The following GIGYF1 variants were observed in gnomAD, a reference collection of about 807,000 sequenced individuals.
GIGYF1 encodes GRB10 interacting GYF protein 1.
A neutral mutation model predicts 147.1 loss-of-function variants in GIGYF1; 84 were observed. The observed-to-expected ratio is 0.57, with a 90% CI of 0.48 to 0.68. The LOEUF is 0.68. GIGYF1 is among the 30% of genes least tolerant of loss of function. The pLI is 0.00. For synonymous variants in GIGYF1, 752 were observed against 589.5 expected (o/e 1.28, Z -3.99); for missense variants, 1,485 against 1,393.7 (o/e 1.07, Z -1.04).
At chr7:100,686,558 T>G in intron 10 of GIGYF1, 91 bp downstream of exon 10, 1 of 1,526,218 alleles carries the variant, frequency 6.6e-7, no homozygotes, top group Non-Finnish European at 8.8e-7. Flanking sequence ...AGCCAGCCTC[T>G]GCTCCCTCCC....
At chr7:100,685,935 CG>C (rs779701019) in intron 12 of GIGYF1, 38 bp downstream of exon 12, 61 of 1,557,116 alleles carry the variant, frequency 3.9e-5, no homozygotes, top group Non-Finnish European at 4.4e-6. Context: ...AGTGCCTGCC[CG>C]GCCCAGCCCC....
intron 1 of GIGYF1, among the ~76,000 whole-genome samples, chr7:100,690,846 G>A (rs1003391379): frequency 6.6e-6 from 1 of 151,092 alleles, no homozygotes; most frequent in East Asian, 2.0e-4. Context: ...GGCGCAGCAA[G>A]GGCAGCTCTC....
intron 18 of GIGYF1, 37 bp downstream of exon 18, chr7:100,683,983 C>A (rs375979756): frequency 1.6e-5 from 25 of 1,585,858 alleles, no homozygotes; most frequent in Middle Eastern, 1.7e-4. Context: ...CATCCCCCCC[C>A]CACCCTGTAT....
Position 100,684,094 on chromosome 7 carries a change from T to G in GIGYF1, c.1794A>C (p.Pro598=). ...KAALGDLTPP[P]PPPPQQQQQQ... ...GCTGCTGCTGCTGTGGCGGCGGCGGTGGTGGCGGTGTCAGGTCCCCCAGAG... is the reference window on the plus strand; with the variant it reads ...GCTGCTGCTGCTGTGGCGGCGGCGGGGGTGGCGGTGTCAGGTCCCCCAGAG... Residue 598 remains proline (P), a synonymous_variant, in exon 18 of 27, where the codon CCA becomes CCC. Transcript: ENST00000678049. 6.2e-7 allele frequency: 1 copy of G among 1,602,678 alleles called. No homozygotes were observed. Among genetic ancestry groups the G allele is most frequent in the Non-Finnish European group, 8.5e-7 (1 of 1,178,430 alleles).
Position 100,681,757 on chromosome 7 carries a change from C to A in GIGYF1, c.3070G>T (p.Gly1024Ter). The A allele has an allele frequency of 6.3e-7, 1 of 1,584,530 alleles. No individual in the cohort carries two copies. Among genetic ancestry groups the A allele is most frequent in the African/African-American group, 1.3e-5 (1 of 74,530 alleles). Residue 1024 changes from glycine (G) to a stop codon, truncating the protein, a stop_gained, in exon 27 of 27, where the codon GGA becomes TGA. Coordinates refer to ENST00000678049, the MANE Select transcript of GIGYF1 (RefSeq NM_001375765.1). LOFTEE classifies it high-confidence loss of function. ...ACGCTCTCGATCTCACCAGAAGATC[C>A]GTGCAGGGAGTACCCTGAAGCCGGG... The part of the protein sequence containing the change: ...DPSILGYSLH[G>*]SSGEIESVDD...
In GIGYF1 at chr7:100,687,860, C is replaced by G; in HGVS notation, c.189G>C (p.Lys63Asn). ...CGTCCTGCAGCACCGCGGCGAACTCCTTGTCCTGCAGCTCTTCCGGGACCT... is the reference window on the plus strand; with the variant it reads ...CGTCCTGCAGCACCGCGGCGAACTCGTTGTCCTGCAGCTCTTCCGGGACCT... Reference protein sequence around the residue: ...ENKVPEELQDKEFAAVLQDEP... With the variant: ...ENKVPEELQDNEFAAVLQDEP... The change falls in exon 6 of 27, where the codon AAG becomes AAC. Residue 63 changes from lysine (K) to asparagine (N), a missense_variant. Transcript: ENST00000678049. The G allele has an allele frequency of 6.2e-7, 1 of 1,613,302 alleles. No homozygotes were observed. Among genetic ancestry groups the G allele is most frequent in the East Asian group, 2.2e-5 (1 of 44,896 alleles).
rs781056779 is a variant in GIGYF1 at position 100,685,991 on chromosome 7, T to C, written c.1037A>G (p.Glu346Gly). ...EEEEPSEGLEEEGPEAGGKEL... is the reference protein window; with the variant it reads ...EEEEPSEGLEGEGPEAGGKEL... ...CGGCTCACCTGCCTCAGGCCCTTCC[T>C]CCTCTAGCCCTTCGGAAGGTTCCTC... Residue 346 changes from glutamate (E) to glycine (G), a missense_variant, in exon 12 of 27, where the codon GAG becomes GGG. Transcript: ENST00000678049. 1 of 1,612,208 alleles carries C rather than the reference T, an allele frequency of 6.2e-7. No individual in the cohort carries two copies. Among genetic ancestry groups the C allele is most frequent in the East Asian group, 2.2e-5 (1 of 44,852 alleles).
At chr7:100,690,105 T>C (rs1280653940) in intron 1 of GIGYF1, among the ~76,000 whole-genome samples, 1 of 152,192 alleles carries the variant, frequency 6.6e-6, no homozygotes, top group Non-Finnish European at 1.5e-5. Flanking sequence ...TTAGAGACAG[T>C]TAAAGTCTCC....
rs751094100 is a variant in GIGYF1 at position 100,682,766 on chromosome 7, G to T, written c.2424C>A (p.Gly808=). The part of the protein sequence containing the change: ...QAPNHRVQLG[G]LGTAPLNQWV... ...ACTGGTTCAGGGGGGCAGTGCCCAG[G>T]CCCCCAAGCTGCTACAGATGGCAGA... Residue 808 remains glycine, a synonymous_variant, in exon 23 of 27, where the codon GGC becomes GGA. Transcript: ENST00000678049. 1.3e-6 allele frequency: 2 copies of T among 1,525,196 alleles called. No individual in the cohort carries two copies. The highest frequency in any genetic ancestry group is 1.3e-5 in the South Asian group (1 of 77,090). The allele number at this position is 1,525,196 out of a possible 1,614,324, so 94.5% of individuals were successfully genotyped here.
rs1804737268 is a variant in GIGYF1 at position 100,681,366 on chromosome 7, A to G, written c.*353T>C. ...TTTCATCTTTTTTTCTTAAAAAAAA[A>G]AAAAAAACCAAAAAACAAAAACCTC... On this transcript the variant is annotated 3_prime_UTR_variant, in exon 27 of 27. Coordinates refer to ENST00000678049, the MANE Select transcript of GIGYF1 (RefSeq NM_001375765.1). The G allele has an allele frequency of 5.5e-6, 1 of 182,882 alleles. No homozygotes were observed. Among genetic ancestry groups the G allele is most frequent in the South Asian group, 2.0e-4 (1 of 5,108 alleles). The allele number at this position is 182,882 out of a possible 1,614,324, so 11.3% of individuals were successfully genotyped here. A position where few individuals can be genotyped will look rare whatever the true frequency, so the allele number is the denominator to read the frequency against.
In GIGYF1 at chr7:100,686,207, A is replaced by G. The variant is rs151284695; in HGVS notation, c.921T>C (p.Asp307=). Residue 307 remains aspartate, a synonymous_variant, in exon 11 of 27, where the codon GAT becomes GAC. Transcript: ENST00000678049. ...TGAGAGGCAAGAAGGCCCCAGAGGCATCAAAGGTGCCCATTTCTTCATCCT... is the reference window on the plus strand; with the variant it reads ...TGAGAGGCAAGAAGGCCCCAGAGGCGTCAAAGGTGCCCATTTCTTCATCCT... The part of the protein sequence containing the change: ...DDEDEEMGTF[D]ASGAFLPLKK... 9.9e-5 allele frequency: 159 copies of G among 1,613,298 alleles called. No individual in the cohort carries two copies. In the African/African-American group the frequency reaches 1.9e-3, roughly 19 times the overall value.
At position 100,684,100 on chromosome 7, in the gene GIGYF1, C is replaced by G; in HGVS notation, c.1788G>C (p.Pro596=). The part of the protein sequence containing the change: ...REKAALGDLT[P]PPPPPPQQQQ... Reference sequence around the variant, plus strand: ...GCTGCTGTGGCGGCGGCGGTGGTGGCGGTGTCAGGTCCCCCAGAGCTGCCT... The same window carrying G: ...GCTGCTGTGGCGGCGGCGGTGGTGGGGGTGTCAGGTCCCCCAGAGCTGCCT... The change falls in exon 18 of 27, where the codon CCG becomes CCC. Residue 596 remains proline (P), a synonymous_variant. Coordinates refer to ENST00000678049, the MANE Select transcript of GIGYF1 (RefSeq NM_001375765.1). The G allele has an allele frequency of 6.2e-7, 1 of 1,607,028 alleles. No homozygotes were observed. Among genetic ancestry groups the G allele is most frequent in the African/African-American group, 1.3e-5 (1 of 74,874 alleles).
At chr7:100,691,933 G>C (rs1805863418) in intron 1 of GIGYF1, among the ~76,000 whole-genome samples, 1 of 152,278 alleles carries the variant, frequency 6.6e-6, no homozygotes. Flanking sequence ...GAACTCAAGA[G>C]AGAAAGAAAA....
Position 100,685,572 on chromosome 7 carries a change from G to A in GIGYF1, c.1055-91C>T. On this transcript the variant is annotated intron_variant, in intron 12 of 26. Transcript: ENST00000678049. ...CCCTTGAGTGTGGCTGGAACCGCGG[G>A]TCACACTCCCTTAGGCCGAGTCCAC... 4 of 1,430,836 alleles carry A rather than the reference G, an allele frequency of 2.8e-6. No individual in the cohort carries two copies. In the South Asian group the frequency reaches 5.0e-5, roughly 18 times the overall value. 88.6% of individuals were successfully genotyped at this position (1,430,836 alleles called of 1,614,324 possible).
intron 20 of GIGYF1, 22 bp downstream of exon 20, chr7:100,683,528 C>T: frequency 6.2e-7 from 1 of 1,613,744 alleles, no homozygotes; most frequent in Admixed American, 1.7e-5. Context: ...CCCAGGGCCT[C>T]AGCCCCAGGA....
chr7:100,686,579 G>T, intron 10 of GIGYF1, 70 bp downstream of exon 10: 1 of 1,542,076 alleles, frequency 6.5e-7, no homozygotes. Context: ...CGTGGCTACA[G>T]GAGCCCACCC....
rs1391150716 is a variant in GIGYF1 at position 100,682,184 on chromosome 7, T to C, written c.2813A>G (p.His938Arg). The C allele has an allele frequency of 2.5e-6, 4 of 1,613,694 alleles. No individual in the cohort carries two copies. The highest frequency in any genetic ancestry group is 3.4e-6 in the Non-Finnish European group (4 of 1,179,954). ...LKEVESPYDV[H>R]DYIRSCLGDT... is the part of the protein sequence containing the mutation. ...CCCCAGGCAGGAACGGATATAATCG[T>C]GGACATCATAGGGGGATTCCACCTC... The change falls in exon 25 of 27, where the codon CAC (histidine) becomes CGC (arginine). Residue 938 changes from histidine (H) to arginine (R), a missense_variant. His to Arg is a conservative substitution (Grantham distance 29). Transcript: ENST00000678049.
rs139871975 is a variant in GIGYF1, at chr7:100,687,548, G to T, written c.330C>A (p.Pro110=). Residue 110 remains proline (P), a synonymous_variant, in exon 7 of 27, where the codon CCC becomes CCA. Transcript: ENST00000678049. ...CCCTGCCTCGGGAGGTGCCAGCCAG[G>T]GGGGGGCCAGCCCCTTTCCCCATCA... ...LRLMGKGAGP[P]LAGTSRGRGS... 8.7e-5 allele frequency: 141 copies of T among 1,612,336 alleles called. No homozygotes were observed. The highest frequency in any genetic ancestry group is 6.7e-5 in the Non-Finnish European group (79 of 1,179,770).
At chr7:100,682,836 G>C in intron 22 of GIGYF1, 59 bp from the exon 23 acceptor site, 4 of 1,482,294 alleles carry the variant, frequency 2.7e-6, no homozygotes, top group Non-Finnish European at 3.6e-6. Context: ...AAGCGGATGG[G>C]GAGGCTTGTT....
Sources: gnomAD v4.1 joint callset for allele counts (sites outside exome capture counted in the v4.1 genomes callset) on GRCh38, gnomAD v4.1.1 for gene constraint, MANE v1.5 for transcripts, NCBI Gene and HGNC (gene_info 2026-07-23, HGNC 2026-07-21) for gene names.